CELF4: variants seen among roughly 807,000 people sequenced by gnomAD.
CELF4 encodes the protein CUG-BP- and ETR-3-like factor 4.
A neutral mutation model predicts 59.9 loss-of-function variants in CELF4; 18 were observed. That is an observed-to-expected ratio of 0.30 (90% CI 0.21 to 0.45). The LOEUF is 0.45. CELF4 is among the 20% of genes least tolerant of loss of function. The pLI is 1.00. For missense variants in CELF4, 456 were observed against 689.0 expected (o/e 0.66, Z 3.79); for synonymous variants, 261 against 267.1 (o/e 0.98, Z 0.22).
chr18:37,331,281 C>G (rs935035141), intron 2 of CELF4, among the ~76,000 whole-genome samples: 2 of 152,148 alleles, frequency 1.3e-5, no homozygotes, highest in African/African-American at 2.4e-5. Flanking sequence ...CCATTTTTCA[C>G]CTCTCCTCTC....
At chr18:37,251,647 T>C (rs1452765462) in intron 12 of CELF4, among the ~76,000 whole-genome samples, 1 of 152,180 alleles carries the variant, frequency 6.6e-6, no homozygotes, top group Non-Finnish European at 1.5e-5. Context: ...CACACCTTAA[T>C]GGCAGAGCTA....
intron 1 of CELF4, among the ~76,000 whole-genome samples, chr18:37,486,253 C>T (rs920616004): frequency 4.6e-5 from 7 of 152,168 alleles, no homozygotes; most frequent in African/African-American, 1.4e-4. Flanking sequence ...CACCGACTTA[C>T]AGCACTAGAC....
chr18:37,390,136 C>T (rs11664192), intron 2 of CELF4, among the ~76,000 whole-genome samples: 23 of 152,244 alleles, frequency 1.5e-4, no homozygotes, highest in Non-Finnish European at 2.4e-4. Context: ...ACCTTGTCCA[C>T]GCCCCCTCCC....
At chr18:37,373,803 C>T (rs1040739550) in intron 2 of CELF4, among the ~76,000 whole-genome samples, 2 of 152,146 alleles carry the variant, frequency 1.3e-5, no homozygotes, top group African/African-American at 2.4e-5. Context: ...GGGGGTCCCT[C>T]GTGGGAGTGC....
At chr18:37,324,545 C>T (rs1017358851) in intron 2 of CELF4, among the ~76,000 whole-genome samples, 6 of 152,190 alleles carry the variant, frequency 3.9e-5, no homozygotes, top group Non-Finnish European at 8.8e-5. Flanking sequence ...GTTGTTTAAG[C>T]CACCTGGTCT....
At chr18:37,289,583 A>G (rs1032389510) in intron 3 of CELF4, among the ~76,000 whole-genome samples, 4 of 150,708 alleles carry the variant, frequency 2.7e-5, no homozygotes, top group Admixed American at 6.6e-5. Flanking sequence ...AGACTCTGCT[A>G]TCAGGGACAC....
chr18:37,310,164 C>A (rs979277866), intron 3 of CELF4, among the ~76,000 whole-genome samples: 1 of 151,986 alleles, frequency 6.6e-6, no homozygotes, highest in Non-Finnish European at 1.5e-5. Context: ...CGTGGCAGCT[C>A]CGAAGGGGTG....
intron 1 of CELF4, among the ~76,000 whole-genome samples, chr18:37,548,134 A>G (rs1033483916): frequency 6.6e-6 from 1 of 152,030 alleles, no homozygotes; most frequent in Admixed American, 6.6e-5. Context: ...AAATGTGTAC[A>G]CATCTCTGTG....
chr18:37,427,829 T>C (rs1017893689), intron 2 of CELF4, among the ~76,000 whole-genome samples: 2 of 152,214 alleles, frequency 1.3e-5, no homozygotes, highest in East Asian at 1.9e-4. Context: ...ACATGGTTGA[T>C]AGATAGACAG....
intron 1 of CELF4, among the ~76,000 whole-genome samples, chr18:37,529,955 C>T (rs2099967773): frequency 6.6e-6 from 1 of 152,156 alleles, no homozygotes; most frequent in South Asian, 2.1e-4. Context: ...GATTGTTTTG[C>T]ACACAAAACC....
At chr18:37,410,279 G>GA (rs758175676) in intron 2 of CELF4, among the ~76,000 whole-genome samples, 1 of 152,244 alleles carries the variant, frequency 6.6e-6, no homozygotes, top group Non-Finnish European at 1.5e-5. Flanking sequence ...CTCTGCTCCT[G>GA]AAGACAAGGA....
intron 2 of CELF4, among the ~76,000 whole-genome samples, chr18:37,340,186 C>T (rs921786136): frequency 2.0e-5 from 3 of 152,218 alleles, no homozygotes; most frequent in Non-Finnish European, 2.9e-5. Context: ...GAAATCTTGC[C>T]GAAGTGCAGC....
chr18:37,314,765 GC>G (rs767161130), intron 3 of CELF4, among the ~76,000 whole-genome samples: 31 of 152,146 alleles, frequency 2.0e-4, no homozygotes, highest in Non-Finnish European at 4.4e-4. Context: ...GGCCAGCTCA[GC>G]CCTGCCTGCC....
At chr18:37,371,753 G>T (rs1480187129) in intron 2 of CELF4, among the ~76,000 whole-genome samples, 2 of 152,222 alleles carry the variant, frequency 1.3e-5, no homozygotes, top group African/African-American at 2.4e-5. Context: ...AACAGCCAGA[G>T]AGGGCTTGGG....
intron 2 of CELF4, among the ~76,000 whole-genome samples, chr18:37,426,934 C>G (rs891621503): frequency 6.7e-6 from 1 of 150,330 alleles, no homozygotes; most frequent in Non-Finnish European, 1.5e-5. Flanking sequence ...AGACTTTAAT[C>G]CCAATCACTC....
chr18:37,334,394 T>C lies in CELF4; in HGVS notation c.370-12513A>G, dbSNP rs947471866. Among the ~76,000 whole-genome samples the C allele has an allele frequency of 3.9e-5, 6 of 152,144 alleles. No individual in the cohort carries two copies. The East Asian group carries it at 5.8e-4, about 15-fold the overall frequency. On this transcript the variant is annotated intron_variant, in intron 2 of 12. Transcript: ENST00000420428. The stretch of plus-strand genomic sequence containing the variant: ...CTGTCACCCTGACAGCTCACAACCA[T>C]CTAGGAGCCCTCGGATGTGGGGTCC...
chr18:37,414,925 C>T (rs754566720), intron 2 of CELF4, among the ~76,000 whole-genome samples: 13 of 152,212 alleles, frequency 8.5e-5, no homozygotes, highest in Non-Finnish European at 1.5e-4. Flanking sequence ...CCCACTCATC[C>T]ACCAGTGGAC....
At chr18:37,393,259 A>G (rs1296690528) in intron 2 of CELF4, among the ~76,000 whole-genome samples, 1 of 152,084 alleles carries the variant, frequency 6.6e-6, no homozygotes, top group African/African-American at 2.4e-5. Flanking sequence ...AGTGGGGAAG[A>G]CCCACCCCAG....
rs201493983 is a variant in CELF4, at chr18:37,565,425, G to T, written c.217C>A (p.Leu73Ile). 1.3e-4 allele frequency: 207 copies of T among 1,613,154 alleles called. No homozygotes were observed. The highest frequency in any genetic ancestry group is 1.7e-4 in the Non-Finnish European group (198 of 1,179,446). Reference sequence around the variant, plus strand: ...TAGATTTTGCCAAACTCCTCGAAGAGGGGCTTGAGGTCCTTCTCATCCAGG... The same window carrying T: ...TAGATTTTGCCAAACTCCTCGAAGATGGGCTTGAGGTCCTTCTCATCCAGG... ...RNLDEKDLKP[L>I]FEEFGKIYEL... The change falls in exon 1 of 13, where the codon CTC becomes ATC. Residue 73 changes from leucine (L) to isoleucine (I), a missense_variant. Leu to Ile is a conservative substitution (Grantham distance 5). Around this residue, in one of 7 missense-constraint regions of CELF4, gnomAD observed 63 missense variants for 110.6 expected, o/e 0.57. Coordinates refer to ENST00000420428, the MANE Select transcript of CELF4 (RefSeq NM_020180.4).
Sources: gnomAD v4.1 joint callset for allele counts (sites outside exome capture counted in the v4.1 genomes callset) on GRCh38, gnomAD v4.1.1 for gene constraint, gnomAD v4.1.1 regional missense constraint, MANE v1.5 for transcripts, NCBI Gene and HGNC (gene_info 2026-07-23, HGNC 2026-07-21) for gene names.